Variants in BCKDHB observed in about 807,000 individuals in gnomAD.
The protein encoded by BCKDHB is branched chain keto acid dehydrogenase E1 subunit beta.
In BCKDHB, 41 loss-of-function variants were observed where a neutral mutation model predicts 48.5. The ratio of observed to expected loss-of-function variants is 0.85; its 90% confidence interval spans 0.66 to 1.10. BCKDHB has a LOEUF of 1.10. Among genes scored for constraint, BCKDHB ranks in the 50% least tolerant of loss-of-function variants. The probability of loss-of-function intolerance (pLI) is 0.00; values close to 1 mark genes in which losing one functional copy is unlikely to be tolerated. For missense variants in BCKDHB, 496 were observed against 494.2 expected (o/e 1.00, Z -0.03); for synonymous variants, 201 against 174.8 (o/e 1.15, Z -1.18).
intron 8 of BCKDHB, among the ~76,000 whole-genome samples, chr6:80,212,929 G>A (rs551258069): frequency 1.3e-4 from 19 of 151,992 alleles, no homozygotes; most frequent in African/African-American, 4.4e-4. Flanking sequence ...AAAATGTTAC[G>A]TACTCTTGTT....
At chr6:80,129,292 C>A in intron 3 of BCKDHB, 63 bp downstream of exon 3, 1 of 1,380,466 alleles carries the variant, frequency 7.2e-7, no homozygotes, top group Non-Finnish European at 1.0e-6. Flanking sequence ...CTTAAAAATA[C>A]AAAATATGCC....
intron 8 of BCKDHB, among the ~76,000 whole-genome samples, chr6:80,265,338 GT>G (rs1234180995): frequency 6.6e-6 from 1 of 152,086 alleles, no homozygotes; most frequent in Non-Finnish European, 1.5e-5. Flanking sequence ...TAAACAAAAT[GT>G]GATATATACA....
Position 80,314,432 on chromosome 6 carries a change from C to G in BCKDHB, c.1039-29232C>G, listed in dbSNP as rs752248208. On this transcript the variant is annotated intron_variant, in intron 9 of 9. Transcript: ENST00000320393. ...CACAGGCTGGACCAGCTGAGAAACC[C>G]AAACAGCAAAGGTGGTGGCCTGCTC... Among the ~76,000 whole-genome samples the G allele has an allele frequency of 1.2e-3, 188 of 152,324 alleles. 2 individuals carry two copies. Among genetic ancestry groups the G allele is most frequent in the Non-Finnish European group, 7.6e-4 (52 of 68,014 alleles).
chr6:80,113,849 A>G (rs1200395951), intron 1 of BCKDHB, among the ~76,000 whole-genome samples: 2 of 152,232 alleles, frequency 1.3e-5, no homozygotes, highest in Non-Finnish European at 2.9e-5. Context: ...ACTTTCCGCA[A>G]CCAATCAGAA....
chr6:80,253,059 G>A (rs1776901658), intron 8 of BCKDHB, among the ~76,000 whole-genome samples: 1 of 152,158 alleles, frequency 6.6e-6, no homozygotes, highest in Admixed American at 6.6e-5. Context: ...AGAAATTAAG[G>A]AGCAGTTTAT....
chr6:80,168,906 GC>G lies in BCKDHB; in HGVS notation c.510del (p.Ser171LeufsTer59), dbSNP rs758999249. On this transcript the variant is annotated frameshift_variant, in exon 5 of 10. Transcript: ENST00000320393. LOFTEE classifies it high-confidence loss of function. ...AATGAAGCTGCCAAGTATCGCTATC[GC>G]TCTGGGGATCTTTTTAACTGTGGAA... is the stretch of plus-strand genomic sequence containing the variant. The part of the protein sequence containing the change: ...IVNEAAKYRY[R>X]SGDLFNCGSL... 6.2e-7 allele frequency: 1 copy of G among 1,614,048 alleles called. No individual in the cohort carries two copies. Among genetic ancestry groups the G allele is most frequent in the Admixed American group, 1.7e-5 (1 of 60,020 alleles).
chr6:80,268,335 G>A (rs984632280), intron 8 of BCKDHB, among the ~76,000 whole-genome samples: 10 of 151,958 alleles, frequency 6.6e-5, no homozygotes, highest in Non-Finnish European at 1.2e-4. Flanking sequence ...TGAAGTATAC[G>A]TGCTATGATT....
intron 9 of BCKDHB, among the ~76,000 whole-genome samples, chr6:80,323,593 TCTAA>T (rs1343459399): frequency 6.6e-6 from 1 of 152,146 alleles, no homozygotes; most frequent in Admixed American, 6.5e-5. Flanking sequence ...TACAGTGATT[TCTAA>T]CTCTTTCCCC....
chr6:80,143,376 A>T (rs1342014014), intron 3 of BCKDHB, among the ~76,000 whole-genome samples: 1 of 152,154 alleles, frequency 6.6e-6, no homozygotes, highest in Non-Finnish European at 1.5e-5. Context: ...ATCACCTTTA[A>T]TGCAGTTATA....
intron 6 of BCKDHB, among the ~76,000 whole-genome samples, chr6:80,196,350 G>A (rs993278789): frequency 2.0e-5 from 3 of 151,952 alleles, no homozygotes; most frequent in South Asian, 2.1e-4. Context: ...CTTGTGTCAA[G>A]TACCTCTGTC....
chr6:80,460,743 A>T, the BCKDHB span, among the ~76,000 whole-genome samples: 229 of 152,276 alleles, frequency 1.5e-3, no homozygotes, highest in African/African-American at 5.2e-3. Flanking sequence ...CTGAGTTAAT[A>T]CTTTTGGAAC....
intron 9 of BCKDHB, among the ~76,000 whole-genome samples, chr6:80,316,033 G>T (rs1221327398): frequency 1.3e-5 from 2 of 152,154 alleles, no homozygotes; most frequent in African/African-American, 2.4e-5. Context: ...ATCTTTCGGG[G>T]ATCTTCCTCC....
the BCKDHB span, among the ~76,000 whole-genome samples, chr6:80,380,919 T>C: frequency 5.9e-5 from 9 of 151,892 alleles, no homozygotes; most frequent in East Asian, 1.4e-3. Flanking sequence ...TGAAGACATT[T>C]ATTAGTTCTA....
chr6:80,246,882 C>T (rs756247146), intron 8 of BCKDHB, among the ~76,000 whole-genome samples: 1 of 151,906 alleles, frequency 6.6e-6, no homozygotes. Context: ...CACACATTCC[C>T]CCACCCCTCT....
rs572564102 is a variant in BCKDHB at position 80,329,258 on chromosome 6, T to TA, written c.1039-14405dup. On this transcript the variant is annotated intron_variant, in intron 9 of 9. Coordinates refer to ENST00000320393, the MANE Select transcript of BCKDHB (RefSeq NM_183050.4). ...TAGTATTACTCCTTAAAAACTTTTT[T>TA]ACTGAATAAAATAATTTTCATGAAA... Among the ~76,000 whole-genome samples the TA allele has an allele frequency of 4.6e-5, 7 of 152,316 alleles. No individual in the cohort carries two copies. The South Asian group carries it at 1.5e-3, about 32-fold the overall frequency.
chr6:80,136,287 A>G (rs1035355444), intron 3 of BCKDHB, among the ~76,000 whole-genome samples: 1 of 152,180 alleles, frequency 6.6e-6, no homozygotes, highest in African/African-American at 2.4e-5. Context: ...GGAATAGAAT[A>G]GAGAACCCAG....
In BCKDHB at chr6:80,181,688, G is replaced by T. The variant is rs377707547; in HGVS notation, c.742+10298G>T. Among the ~76,000 whole-genome samples the T allele has an allele frequency of 5.3e-5, 8 of 152,322 alleles. No individual in the cohort carries two copies. In the East Asian group the frequency reaches 1.2e-3, roughly 22 times the overall value. On this transcript the variant is annotated intron_variant, in intron 6 of 9. Coordinates refer to ENST00000320393, the MANE Select transcript of BCKDHB (RefSeq NM_183050.4). ...TGTTCACCTGGTGGAAGCAGAGGTT[G>T]TAAGGCCCTTGAAGCATAGGCTTGG...
chr6:80,415,535 G>T, the BCKDHB span, among the ~76,000 whole-genome samples: 19 of 152,088 alleles, frequency 1.2e-4, no homozygotes, highest in Admixed American at 4.6e-4. Flanking sequence ...TAATCATGTG[G>T]TTTTTGTTTT....
chr6:80,410,119 G>A, the BCKDHB span, among the ~76,000 whole-genome samples: 1 of 152,122 alleles, frequency 6.6e-6, no homozygotes, highest in Non-Finnish European at 1.5e-5. Flanking sequence ...GCTTCCTTCA[G>A]GAGCTCTTGT....
Sources: gnomAD v4.1 joint callset for allele counts (sites outside exome capture counted in the v4.1 genomes callset) on GRCh38, gnomAD v4.1.1 for gene constraint, MANE v1.5 for transcripts, NCBI Gene and HGNC (gene_info 2026-07-23, HGNC 2026-07-21) for gene names.